BECN1: variants seen among roughly 807,000 people sequenced by gnomAD.
BECN1 encodes beclin 1.
Under a neutral mutation model 60.1 loss-of-function variants are expected in BECN1, and 15 were observed. The observed-to-expected ratio is 0.25, with a 90% CI of 0.17 to 0.38. The LOEUF is 0.38. BECN1 is among the 10% of genes least tolerant of loss of function. The pLI, the probability that BECN1 is intolerant of heterozygous loss-of-function variation, is 1.00. For missense variants in BECN1, 424 were observed against 548.2 expected, an observed-to-expected ratio of 0.77 and a Z score of 2.26; for synonymous variants, 179 against 201.8, an observed-to-expected ratio of 0.89 and a Z score of 0.96.
In BECN1 at chr17:42,813,967, G is replaced by T; in HGVS notation, c.1022C>A (p.Ser341Tyr). Residue 341 changes from serine to tyrosine, a missense_variant, in exon 10 of 12, where the codon TCT becomes TAT. Physicochemically the swap from Ser to Tyr is moderately radical, Grantham distance 144 (BLOSUM62 -2). Coordinates refer to ENST00000590099, the MANE Select transcript of BECN1 (RefSeq NM_001313998.2). ...GAGTACCTTAGATTTGTCTGTCAGA[G>T]ACTCCAGATATGAATGGTTTCCGTA... ...VPYGNHSYLE[S>Y]LTDKSKELPL... 1 of 1,604,352 alleles carries T rather than the reference G, an allele frequency of 6.2e-7. No homozygotes were observed. Among genetic ancestry groups the T allele is most frequent in the South Asian group, 1.1e-5 (1 of 90,092 alleles).
chr17:42,814,029 G>A (rs751360763), intron 9 of BECN1, 21 bp from the exon 10 acceptor site: 1 of 1,548,006 alleles, frequency 6.5e-7, no homozygotes, highest in South Asian at 1.1e-5. Flanking sequence ...GATACAAACA[G>A]AGATGGATAC....
In BECN1 at chr17:42,813,957, G is replaced by T; in HGVS notation, c.1032C>A (p.Asp344Glu). Reference sequence around the variant, plus strand: ...GAGCTTCACAGAGTACCTTAGATTTGTCTGTCAGAGACTCCAGATATGAAT... The same window carrying T: ...GAGCTTCACAGAGTACCTTAGATTTTTCTGTCAGAGACTCCAGATATGAAT... ...GNHSYLESLT[D>E]KSKELPLYCS... Residue 344 changes from aspartate to glutamate, a missense_variant, in exon 10 of 12, where the codon GAC becomes GAA. Asp to Glu is a conservative substitution (Grantham distance 45). Coordinates refer to ENST00000590099, the MANE Select transcript of BECN1 (RefSeq NM_001313998.2). 1 of 1,598,510 alleles carries T rather than the reference G, an allele frequency of 6.3e-7. No individual in the cohort carries two copies. Among genetic ancestry groups the T allele is most frequent in the Non-Finnish European group, 8.6e-7 (1 of 1,168,872 alleles).
intron 10 of BECN1, 34 bp downstream of exon 10, chr17:42,813,914 T>G: frequency 6.8e-7 from 1 of 1,474,872 alleles, no homozygotes; most frequent in South Asian, 1.2e-5. Flanking sequence ...ATAAGAACTC[T>G]GTATTCCAGT....
At chr17:42,816,678 T>C (rs931592623) in intron 7 of BECN1, among the ~76,000 whole-genome samples, 1 of 149,006 alleles carries the variant, frequency 6.7e-6, no homozygotes, top group Non-Finnish European at 1.5e-5. Context: ...GAGTGGCTTC[T>C]GCTTCTTCTG....
intron 2 of BECN1, among the ~76,000 whole-genome samples, chr17:42,821,651 C>T (rs2055266286): frequency 6.6e-6 from 1 of 152,178 alleles, no homozygotes; most frequent in South Asian, 2.1e-4. Flanking sequence ...TTGCAACGAT[C>T]CAGATTACAT....
rs749149984 is a variant in BECN1, at chr17:42,810,931, G to A, written c.1185-3C>T. The A allele has an allele frequency of 1.2e-6, 2 of 1,600,738 alleles. No homozygotes were observed. The highest frequency in any genetic ancestry group is 1.7e-6 in the Non-Finnish European group (2 of 1,173,642). On this transcript the variant is annotated splice_region_variant and splice_polypyrimidine_tract_variant and intron_variant, in intron 11 of 11. Coordinates refer to ENST00000590099, the MANE Select transcript of BECN1 (RefSeq NM_001313998.2). Reference sequence around the variant, plus strand: ...TCTTGCCTTTCTCCACATCCATCCTGCAGATGGACAGAGCAAAACTCATTA... The same window carrying A: ...TCTTGCCTTTCTCCACATCCATCCTACAGATGGACAGAGCAAAACTCATTA...
chr17:42,819,555 G>C lies in BECN1; in HGVS notation c.253C>G (p.Pro85Ala). The change falls in exon 4 of 12, where the codon CCA becomes GCA. Residue 85 changes from proline (P) to alanine (A), a missense_variant. Pro to Ala is a conservative substitution (Grantham distance 27). Coordinates refer to ENST00000590099, the MANE Select transcript of BECN1 (RefSeq NM_001313998.2). ...QDGVSRRFIP[P>A]ARMMSTESAN... is the part of the protein sequence containing the mutation. ...CTGAGAAGTAGTAGGCACCTGGCTGGGGGGATGAATCTGCGAGAGACACCA... is the reference window on the plus strand; with the variant it reads ...CTGAGAAGTAGTAGGCACCTGGCTGCGGGGATGAATCTGCGAGAGACACCA... 3 of 1,613,508 alleles carry C rather than the reference G, an allele frequency of 1.9e-6. No homozygotes were observed. Among genetic ancestry groups the C allele is most frequent in the Non-Finnish European group, 2.5e-6 (3 of 1,179,868 alleles).
chr17:42,823,093 T>A (rs1439361322), intron 2 of BECN1, among the ~76,000 whole-genome samples: 2 of 152,202 alleles, frequency 1.3e-5, no homozygotes, highest in Admixed American at 1.3e-4. Context: ...AATGACGGTA[T>A]ACCCCGTACG....
chr17:42,812,661 C>G (rs1290981599), intron 10 of BECN1: 1 of 150,734 alleles, frequency 6.6e-6, no homozygotes, highest in Non-Finnish European at 1.5e-5. Flanking sequence ...GCAGAGCCTG[C>G]AATGAGCCGA....
intron 8 of BECN1, chr17:42,815,526 A>C (rs1471343005): frequency 9.6e-6 from 2 of 208,642 alleles, no homozygotes; most frequent in Non-Finnish European, 1.9e-5. Context: ...GATTATATGC[A>C]ACTAGAAGGT....
rs1393798224 is a variant in BECN1, at chr17:42,819,545, C to T, written c.260+3G>A. 3 of 1,613,392 alleles carry T rather than the reference C, an allele frequency of 1.9e-6. No homozygotes were observed. The highest frequency in any genetic ancestry group is 1.7e-5 in the Admixed American group (1 of 59,910). Reference sequence around the variant, plus strand: ...GGAATGGGGGCTGAGAAGTAGTAGGCACCTGGCTGGGGGGATGAATCTGCG... The same window carrying T: ...GGAATGGGGGCTGAGAAGTAGTAGGTACCTGGCTGGGGGGATGAATCTGCG... On this transcript the variant is annotated splice_donor_region_variant and intron_variant, in intron 4 of 11. Coordinates refer to ENST00000590099, the MANE Select transcript of BECN1 (RefSeq NM_001313998.2).
intron 8 of BECN1, chr17:42,815,698 G>C: frequency 1.6e-6 from 1 of 626,710 alleles, no homozygotes; most frequent in Non-Finnish European, 2.7e-6. Flanking sequence ...GAAGGGCTCA[G>C]GCCTTTTCCT....
intron 1 of BECN1, 132 bp from the exon 2 acceptor site, chr17:42,824,011 G>A: frequency 8.3e-7 from 1 of 1,200,874 alleles, no homozygotes. Context: ...TCTAGGAATG[G>A]TATGATACGG....
Position 42,818,365 on chromosome 17 carries a change from A to G in BECN1, c.539T>C (p.Leu180Ser). 1 of 1,614,140 alleles carries G rather than the reference A, an allele frequency of 6.2e-7. No individual in the cohort carries two copies. The highest frequency in any genetic ancestry group is 8.5e-7 in the Non-Finnish European group (1 of 1,180,026). ...TGCCAGCTCCTTTAGCTCCATCTGT[A>G]ACTGTTCACTGTCATCCTCATTCAT... ...EQMNEDDSEQ[L>S]QMELKELALE... The change falls in exon 7 of 12, where the codon TTA (leucine) becomes TCA (serine). Residue 180 changes from leucine (L) to serine (S), a missense_variant. By Grantham distance (145) the Leu-to-Ser change is moderately radical (BLOSUM62 -2). Around this residue, in one of 3 missense-constraint regions of BECN1, gnomAD observed 326 missense variants for 406.2 expected, o/e 0.80. Transcript: ENST00000590099.
At chr17:42,815,723 G>A (rs757636455) in intron 8 of BECN1, 185 bp downstream of exon 8, 12 of 727,796 alleles carry the variant, frequency 1.6e-5, no homozygotes, top group Middle Eastern at 4.0e-4. Context: ...TTAGAAGGGC[G>A]GATGTCACCA....
At chr17:42,811,124 G>C in intron 11 of BECN1, 196 bp from the exon 12 acceptor site, 1 of 548,390 alleles carries the variant, frequency 1.8e-6, no homozygotes, top group South Asian at 3.1e-5. Flanking sequence ...TGTCATTGCA[G>C]AGTACAGGGA....
intron 1 of BECN1, 73 bp downstream of exon 1, chr17:42,824,082 G>C: frequency 1.7e-6 from 1 of 589,864 alleles, no homozygotes. Flanking sequence ...GTCAGGGAAG[G>C]GACTCCAATA....
intron 4 of BECN1, chr17:42,819,078 G>A: frequency 1.7e-6 from 1 of 595,592 alleles, no homozygotes; most frequent in Non-Finnish European, 2.9e-6. Context: ...CACTCAGCAT[G>A]AAGGTTGGCC....
chr17:42,810,518 G>A lies in BECN1; in HGVS notation c.*242C>T. On this transcript the variant is annotated 3_prime_UTR_variant, in exon 12 of 12. Coordinates refer to ENST00000590099, the MANE Select transcript of BECN1 (RefSeq NM_001313998.2). ...ATTAGTTTTTTTCAGAGAAGAAAGG[G>A]AAAGGAGTCCATGGGGTTAAGAATC... The A allele has an allele frequency of 3.0e-6, 1 of 338,534 alleles. No individual in the cohort carries two copies. The highest frequency in any genetic ancestry group is 5.3e-6 in the Non-Finnish European group (1 of 189,994). The allele number at this position is 338,534 out of a possible 1,614,324, so 21.0% of individuals were successfully genotyped here. A position where few individuals can be genotyped will look rare whatever the true frequency, so the allele number is the denominator to read the frequency against.
Sources: gnomAD v4.1 joint callset for allele counts (sites outside exome capture counted in the v4.1 genomes callset) on GRCh38, gnomAD v4.1.1 for gene constraint, gnomAD v4.1.1 regional missense constraint, MANE v1.5 for transcripts, NCBI Gene and HGNC (gene_info 2026-07-23, HGNC 2026-07-21) for gene names.